The following STK3 variants were observed in gnomAD, a reference collection of about 807,000 sequenced individuals.
STK3 encodes serine/threonine kinase 3.
Under a neutral mutation model 58.0 loss-of-function variants are expected in STK3, and 41 were observed. That is an observed-to-expected ratio of 0.71 (90% confidence interval 0.55 to 0.92). STK3 has a LOEUF of 0.92. STK3 is among the 40% of genes least tolerant of loss of function. STK3 has a pLI of 0.00. For synonymous variants in STK3, 170 were observed against 191.0 expected (o/e 0.89, Z 0.91); for missense variants, 479 against 602.7 (o/e 0.79, Z 2.15).
chr8:98,361,072 C>A, the STK3 span, among the ~76,000 whole-genome samples: 3 of 152,158 alleles, frequency 2.0e-5, no homozygotes, highest in Non-Finnish European at 4.4e-5. Context: ...CTCCTGTAGA[C>A]CCAAAACCCT....
chr8:98,614,319 T>C (rs936444455), intron 6 of STK3, among the ~76,000 whole-genome samples: 22 of 151,210 alleles, frequency 1.5e-4, no homozygotes, highest in Non-Finnish European at 2.8e-4. Flanking sequence ...CTGAACAGAG[T>C]AGAGTCTCCA....
downstream of STK3, among the ~76,000 whole-genome samples, chr8:98,369,326 T>C (rs975458358): frequency 1.3e-5 from 2 of 152,222 alleles, no homozygotes; most frequent in Non-Finnish European, 1.5e-5. Context: ...CATTAGCAAC[T>C]AAGTTCTTTT....
chr8:98,614,500 G>C (rs190900550), intron 6 of STK3, among the ~76,000 whole-genome samples: 91 of 152,308 alleles, frequency 6.0e-4, no homozygotes, highest in African/African-American at 2.1e-3. Context: ...AGCTCCCAGC[G>C]AGAGCGATGC....
intron 1 of STK3, chr8:98,905,500 A>G: frequency 1.2e-5 from 14 of 1,165,534 alleles, no homozygotes; most frequent in Non-Finnish European, 1.8e-5. Flanking sequence ...TGAAGCTTGT[A>G]ATGATGCAAG....
intron 3 of STK3, among the ~76,000 whole-genome samples, chr8:98,834,869 A>C (rs1242192453): frequency 1.3e-5 from 2 of 152,270 alleles, no homozygotes; most frequent in Non-Finnish European, 2.9e-5. Context: ...AGTTTACTCC[A>C]GCCCAAAGCT....
intron 1 of STK3, among the ~76,000 whole-genome samples, chr8:98,915,431 C>CATATATAT (rs1564102087): frequency 2.3e-4 from 8 of 34,164 alleles, no homozygotes; most frequent in African/African-American, 1.8e-4. Context: ...AATAAACTTT[C>CATATATAT]CTATATATAT....
At position 98,694,355 on chromosome 8, in the gene STK3, C is replaced by CT. The variant is rs745811477; in HGVS notation, c.684+12111dup. Among the ~76,000 whole-genome samples the CT allele has an allele frequency of 4.6e-5, 7 of 151,110 alleles. No homozygotes were observed. In the East Asian group the frequency reaches 5.8e-4, roughly 13 times the overall value. ...GACCTTTTTTTAGGCTAAAATAATTCTTTTTTTTTCATACTTTAAGTTTTA... is the reference window on the plus strand; with the variant it reads ...GACCTTTTTTTAGGCTAAAATAATTCTTTTTTTTTTCATACTTTAAGTTTTA... On this transcript the variant is annotated intron_variant, in intron 6 of 10. Coordinates refer to ENST00000419617, the MANE Select transcript of STK3 (RefSeq NM_006281.4).
intron 10 of STK3, among the ~76,000 whole-genome samples, chr8:98,490,784 G>A (rs1327129756): frequency 6.6e-6 from 1 of 152,108 alleles, no homozygotes; most frequent in Admixed American, 6.6e-5. Flanking sequence ...GTGGGGGTGC[G>A]AATCTAGACG....
intron 3 of STK3, chr8:98,413,017 C>T: frequency 4.5e-6 from 1 of 219,956 alleles, no homozygotes; most frequent in Non-Finnish European, 9.0e-6. Context: ...TTTTGTTTTG[C>T]TTTGTTTTTG....
intron 6 of STK3, among the ~76,000 whole-genome samples, chr8:98,606,512 G>A (rs1204760897): frequency 6.6e-6 from 1 of 152,154 alleles, no homozygotes; most frequent in African/African-American, 2.4e-5. Flanking sequence ...GATAGCTTCA[G>A]GATACAGGAT....
chr8:98,641,429 T>C (rs1820006174), intron 6 of STK3, among the ~76,000 whole-genome samples: 1 of 152,216 alleles, frequency 6.6e-6, no homozygotes, highest in South Asian at 2.1e-4. Flanking sequence ...AAAAGAACAT[T>C]CTTAAATATT....
At chr8:98,574,014 C>T (rs1212421725) in intron 8 of STK3, among the ~76,000 whole-genome samples, 1 of 151,804 alleles carries the variant, frequency 6.6e-6, no homozygotes, top group Non-Finnish European at 1.5e-5. Flanking sequence ...GAGTAACTGC[C>T]CCCATGATTC....
intron 1 of STK3, among the ~76,000 whole-genome samples, chr8:98,776,866 C>G (rs997260686): frequency 6.6e-6 from 1 of 151,366 alleles, no homozygotes; most frequent in African/African-American, 2.4e-5. Context: ...CTGGCTAACA[C>G]GGTGAAACCC....
At chr8:98,617,845 C>T (rs1563810200) in intron 6 of STK3, among the ~76,000 whole-genome samples, 1 of 151,980 alleles carries the variant, frequency 6.6e-6, no homozygotes, top group Non-Finnish European at 1.5e-5. Flanking sequence ...AAAAAGAGTC[C>T]AGGACCAGAT....
intron 4 of STK3, among the ~76,000 whole-genome samples, chr8:98,710,645 A>C (rs758780234): frequency 1.3e-5 from 2 of 152,228 alleles, no homozygotes; most frequent in Non-Finnish European, 2.9e-5. Context: ...GCAGCCAGGA[A>C]GCTCAAACTG....
chr8:98,476,274 T>C (rs1453323815), intron 10 of STK3, among the ~76,000 whole-genome samples: 1 of 152,222 alleles, frequency 6.6e-6, no homozygotes, highest in Non-Finnish European at 1.5e-5. Flanking sequence ...TGGGAGCAAC[T>C]CAGTCCAGTG....
At chr8:98,427,088 G>A (rs1818245413) in intron 3 of STK3, 1 of 150,588 alleles carries the variant, frequency 6.6e-6, no homozygotes, top group African/African-American at 2.4e-5. Flanking sequence ...ATCCGGAGAG[G>A]GGGCTCCGGG....
intron 3 of STK3, among the ~76,000 whole-genome samples, chr8:98,859,308 C>A (rs1481505250): frequency 6.6e-6 from 1 of 152,160 alleles, no homozygotes; most frequent in African/African-American, 2.4e-5. Flanking sequence ...AAAATCTCTA[C>A]ATTTGAAAAT....
At chr8:98,435,435 C>T (rs1363746246) in intron 2 of STK3, among the ~76,000 whole-genome samples, 1 of 152,188 alleles carries the variant, frequency 6.6e-6, no homozygotes, top group African/African-American at 2.4e-5. Context: ...ATTCTTTTGT[C>T]ACCAGGGTAC....
Sources: gnomAD v4.1 joint callset for allele counts (sites outside exome capture counted in the v4.1 genomes callset) on GRCh38, gnomAD v4.1.1 for gene constraint, MANE v1.5 for transcripts, NCBI Gene and HGNC (gene_info 2026-07-23, HGNC 2026-07-21) for gene names.